The following TULP4 variants were observed in gnomAD, a reference collection of about 807,000 sequenced individuals.
TULP4 encodes TUB like protein 4.
In TULP4, 16 loss-of-function variants were observed where a neutral mutation model predicts 129.0. The ratio of observed to expected loss-of-function variants is 0.12; its 90% CI spans 0.08 to 0.19. TULP4 has a LOEUF of 0.19. TULP4 is among the 10% of genes least tolerant of loss of function. TULP4 has a pLI of 1.00. For missense variants in TULP4, 1,842 were observed against 2,059.1 expected (o/e 0.89, Z 2.04); for synonymous variants, 998 against 854.0 (o/e 1.17, Z -2.94).
chr6:158,466,978 A>G (rs1246106737), intron 6 of TULP4, among the ~76,000 whole-genome samples: 1 of 152,178 alleles, frequency 6.6e-6, no homozygotes, highest in Non-Finnish European at 1.5e-5. Context: ...AAGCCTAAGG[A>G]AAGAGGCCTG....
chr6:158,375,716 G>A (rs1401126372), intron 1 of TULP4, among the ~76,000 whole-genome samples: 5 of 152,188 alleles, frequency 3.3e-5, no homozygotes, highest in Non-Finnish European at 7.3e-5. Context: ...AGTTTCATTA[G>A]CAAGTGCTTA....
At chr6:158,391,230 T>C (rs1483251550) in intron 1 of TULP4, among the ~76,000 whole-genome samples, 1 of 152,230 alleles carries the variant, frequency 6.6e-6, no homozygotes, top group African/African-American at 2.4e-5. Flanking sequence ...TATTTCCTTT[T>C]GTAAAATTTC....
At chr6:158,355,476 G>A (rs1298239011) in intron 1 of TULP4, among the ~76,000 whole-genome samples, 2 of 152,132 alleles carry the variant, frequency 1.3e-5, no homozygotes, top group Non-Finnish European at 1.5e-5. Context: ...CTGGAAGAGT[G>A]GATGGAGCCC....
chr6:158,442,011 TA>T (rs1718716258), intron 3 of TULP4, among the ~76,000 whole-genome samples: 1 of 152,188 alleles, frequency 6.6e-6, no homozygotes, highest in African/African-American at 2.4e-5. Flanking sequence ...GCTTTTCAGT[TA>T]TTTCTGCTTC....
In TULP4 at chr6:158,318,513, T is replaced by C. The variant is rs79795030; in HGVS notation, c.252+4245T>C. 7.4e-4 allele frequency among the ~76,000 whole-genome samples: 112 copies of C among 152,316 alleles called. No homozygotes were observed. In the East Asian group the frequency reaches 0.015, roughly 20 times the overall value. On this transcript the variant is annotated intron_variant, in intron 1 of 13. Transcript: ENST00000367097. Reference sequence around the variant, plus strand: ...TTTACAGCAGACTCATGGGAAGATATCATTATTTCCATTTTATAGGGAAGA... The same window carrying C: ...TTTACAGCAGACTCATGGGAAGATACCATTATTTCCATTTTATAGGGAAGA...
intron 3 of TULP4, among the ~76,000 whole-genome samples, chr6:158,440,317 CAAA>C (rs34200003): frequency 0.27 from 23,402 of 85,324 alleles, 2,446 homozygotes; most frequent in Middle Eastern, 0.41. Flanking sequence ...GTCCCTGTCT[CAAA>C]AAAAAAAAAA....
rs773167732 is a variant in TULP4 at position 158,493,530 on chromosome 6, T to C, written c.1632-43T>C. On this transcript the variant is annotated intron_variant, in intron 9 of 13. Coordinates refer to ENST00000367097, the MANE Select transcript of TULP4 (RefSeq NM_020245.5). This position sits in a 1 kb window ranked among gnomAD's most constrained non-coding sequence, Gnocchi z 4.4. ...CTGGAGTCAGGGCCATGCTCACCATTCCCGCCACGGATGCCTGACCCCTCC... is the reference window on the plus strand; with the variant it reads ...CTGGAGTCAGGGCCATGCTCACCATCCCCGCCACGGATGCCTGACCCCTCC... 2.1e-6 allele frequency: 3 copies of C among 1,431,500 alleles called. No individual in the cohort carries two copies. In the African/African-American group the frequency reaches 4.4e-5, roughly 21 times the overall value. 88.7% of individuals were successfully genotyped at this position (1,431,500 alleles called of 1,614,324 possible).
intron 2 of TULP4, among the ~76,000 whole-genome samples, chr6:158,415,511 G>A (rs551639922): frequency 2.0e-5 from 3 of 149,226 alleles, no homozygotes; most frequent in African/African-American, 7.3e-5. Context: ...CACCACGCCC[G>A]GCTAATTTTT....
chr6:158,446,740 C>G (rs1053756004), intron 3 of TULP4, among the ~76,000 whole-genome samples: 1 of 152,156 alleles, frequency 6.6e-6, no homozygotes, highest in Non-Finnish European at 1.5e-5. Context: ...ATCAAAGTGC[C>G]AGCCAATTTG....
At chr6:158,275,224 T>G (rs756699862) in intron 1 of TULP4, among the ~76,000 whole-genome samples, 12 of 152,272 alleles carry the variant, frequency 7.9e-5, no homozygotes, top group Admixed American at 4.6e-4. Context: ...AGCTGCTTTT[T>G]TTGTTGTTGT....
intron 1 of TULP4, among the ~76,000 whole-genome samples, chr6:158,367,521 G>A (rs998526381): frequency 3.9e-5 from 6 of 152,196 alleles, no homozygotes; most frequent in Non-Finnish European, 8.8e-5. Flanking sequence ...AACTGGAAGT[G>A]CAGAATCTGT....
At chr6:158,435,966 G>A (rs955171483) in intron 3 of TULP4, among the ~76,000 whole-genome samples, 3 of 150,462 alleles carry the variant, frequency 2.0e-5, no homozygotes, top group African/African-American at 4.9e-5. Flanking sequence ...TCGCTCTGTC[G>A]CCCAGTGGCA....
chr6:158,408,101 A>G (rs368551154), intron 1 of TULP4, among the ~76,000 whole-genome samples: 1 of 152,212 alleles, frequency 6.6e-6, no homozygotes, highest in Non-Finnish European at 1.5e-5. Flanking sequence ...GTTTAATAGA[A>G]CAAAAGCTAC....
chr6:158,315,908 C>G (rs1779481671), intron 1 of TULP4, among the ~76,000 whole-genome samples: 1 of 152,224 alleles, frequency 6.6e-6, no homozygotes, highest in Non-Finnish European at 1.5e-5. Context: ...AAAGGTCCCA[C>G]CTCTTGATAC....
chr6:158,454,916 C>T (rs17503213), intron 5 of TULP4, among the ~76,000 whole-genome samples: 92,292 of 151,680 alleles, frequency 0.61, 28,880 homozygotes, highest in African/African-American at 0.76. Context: ...TGGAGCAGCA[C>T]TTCTAACGTT....
chr6:158,449,322 A>T, intron 4 of TULP4, 146 bp downstream of exon 4: 1 of 780,414 alleles, frequency 1.3e-6, no homozygotes, highest in Non-Finnish European at 2.0e-6. Context: ...TCAAGCTGAA[A>T]TGCAAGGTAG....
chr6:158,271,635 C>T (rs528167438), intron 1 of TULP4, among the ~76,000 whole-genome samples: 1 of 152,076 alleles, frequency 6.6e-6, no homozygotes, highest in South Asian at 2.1e-4. Flanking sequence ...TCACTCTGTT[C>T]CCCAGGCTAG....
chr6:158,368,024 C>T (rs913269564), intron 1 of TULP4, among the ~76,000 whole-genome samples: 1 of 128,776 alleles, frequency 7.8e-6, no homozygotes, highest in African/African-American at 3.0e-5. Flanking sequence ...GCCCATAGAT[C>T]GAGGCTGCAG....
intron 1 of TULP4, among the ~76,000 whole-genome samples, chr6:158,361,483 A>G (rs1403389248): frequency 6.6e-6 from 1 of 152,208 alleles, no homozygotes; most frequent in Non-Finnish European, 1.5e-5. Flanking sequence ...CCGTTTAACC[A>G]ATGTGCCAGA....
Sources: gnomAD v4.1 joint callset for allele counts (sites outside exome capture counted in the v4.1 genomes callset) on GRCh38, gnomAD v4.1.1 for gene constraint, Gnocchi (gnomAD v3.1) non-coding constraint, MANE v1.5 for transcripts, NCBI Gene and HGNC (gene_info 2026-07-23, HGNC 2026-07-21) for gene names.